Variants in BANP observed in about 807,000 individuals in gnomAD.
BANP encodes BTG3 associated nuclear protein, also known as protein BANP.
Under a neutral mutation model 68.1 loss-of-function variants are expected in BANP, and 11 were observed. That is an observed-to-expected ratio of 0.16 (90% CI 0.10 to 0.27). BANP has a LOEUF of 0.27. Among genes scored for constraint, BANP ranks in the 10% least tolerant of loss-of-function variants. BANP has a pLI of 1.00. For synonymous variants in BANP, 329 were observed against 303.2 expected (o/e 1.09, Z -0.88); for missense variants, 504 against 722.7 (o/e 0.70, Z 3.47).
At chr16:88,046,403 T>C (rs2082033332) in intron 11 of BANP, among the ~76,000 whole-genome samples, 1 of 152,232 alleles carries the variant, frequency 6.6e-6, no homozygotes. Context: ...GTTCATTCTT[T>C]CACGTGAATT....
In BANP at chr16:87,957,081, A is replaced by G. The variant is rs952270783; in HGVS notation, c.-69+5566A>G. 6.6e-6 allele frequency: 1 copy of G among 152,194 alleles called. No homozygotes were observed. Among genetic ancestry groups the G allele is most frequent in the African/African-American group, 2.4e-5 (1 of 41,434 alleles). 9.4% of individuals were successfully genotyped at this position (152,194 alleles called of 1,614,324 possible). ...TCCTGTTGGAAAGAACCACTCTGCA[A>G]TCCTTCGCGTCTACACTTCGTCAAG... On this transcript the variant is annotated intron_variant, in intron 1 of 13. Coordinates refer to ENST00000682872, the MANE Select transcript of BANP (RefSeq NM_001386991.1). The surrounding 1 kb of genome is among the most constrained non-coding windows in gnomAD (Gnocchi z 4.3).
At chr16:88,033,966 C>A (rs746670547) in intron 9 of BANP, among the ~76,000 whole-genome samples, 10 of 152,180 alleles carry the variant, frequency 6.6e-5, no homozygotes, top group Non-Finnish European at 1.5e-4. Context: ...ACCACTAGAC[C>A]TCGCCTATGT....
intron 4 of BANP, among the ~76,000 whole-genome samples, chr16:87,991,789 A>AT (rs1392424843): frequency 6.6e-6 from 1 of 152,096 alleles, no homozygotes; most frequent in Non-Finnish European, 1.5e-5. Flanking sequence ...TTTCTGTAGG[A>AT]TTTTTTTAAA....
rs529919458 is a variant in BANP at position 88,003,296 on chromosome 16, C to A, written c.363-999C>A. ...GGTCCTGTGATTTACTTGAGCATGG[C>A]GTGGTGCTGTGCTGGCACTCAATGT... On this transcript the variant is annotated intron_variant, in intron 4 of 13. Coordinates refer to ENST00000682872, the MANE Select transcript of BANP (RefSeq NM_001386991.1). The surrounding 1 kb of genome is among the most constrained non-coding windows in gnomAD (Gnocchi z 6.1). Among the ~76,000 whole-genome samples, 1 of 152,250 alleles carries A rather than the reference C, an allele frequency of 6.6e-6. No individual in the cohort carries two copies. The highest frequency in any genetic ancestry group is 2.1e-4 in the South Asian group (1 of 4,816).
chr16:87,984,632 A>G (rs966745816), intron 4 of BANP, among the ~76,000 whole-genome samples: 1 of 152,246 alleles, frequency 6.6e-6, no homozygotes, highest in Non-Finnish European at 1.5e-5. Flanking sequence ...TCACATGAAT[A>G]TATCAAACTT....
At chr16:87,973,753 C>CAAAAAAAAAAAAAAAAAAAAAAAAAAAA (rs58334556) in intron 1 of BANP, among the ~76,000 whole-genome samples, 1 of 99,496 alleles carries the variant, frequency 1.0e-5, no homozygotes, top group Non-Finnish European at 1.8e-5. Context: ...AACTCCATCA[C>CAAAAAAAAAAAAAAAAAAAAAAAAAAAA]AAAAAAAAAA....
intron 13 of BANP, 78 bp downstream of exon 13, chr16:88,072,290 CG>C (rs2090545519): frequency 7.3e-6 from 11 of 1,499,488 alleles, no homozygotes; most frequent in Non-Finnish European, 8.0e-6. Flanking sequence ...CACGTGGCCC[CG>C]GGGCTTTCTC....
At chr16:87,951,677 G>GCCCCGCTCCCCGTC (rs2056896157) in intron 1 of BANP, among the ~76,000 whole-genome samples, 162 bp downstream of exon 1, 1 of 148,142 alleles carries the variant, frequency 6.8e-6, no homozygotes, top group Non-Finnish European at 1.5e-5. Flanking sequence ...CGCCCCCCGG[G>GCCCCGCTCCCCGTC]CCCCGCTCCC....
Position 88,027,469 on chromosome 16 carries a change from A to T in BANP, c.896-14A>T. ...AACAGGCCTCACCGCTTCTCCTTGGATGTGTCCTTCCAGGTCACCTTTTCT... is the reference window on the plus strand; with the variant it reads ...AACAGGCCTCACCGCTTCTCCTTGGTTGTGTCCTTCCAGGTCACCTTTTCT... On this transcript the variant is annotated splice_polypyrimidine_tract_variant and intron_variant, in intron 7 of 13. Transcript: ENST00000682872. 6.2e-7 allele frequency: 1 copy of T among 1,612,862 alleles called. No homozygotes were observed. The highest frequency in any genetic ancestry group is 1.3e-5 in the African/African-American group (1 of 74,926).
At chr16:87,965,277 A>G (rs1268525525) in intron 1 of BANP, among the ~76,000 whole-genome samples, 1 of 152,094 alleles carries the variant, frequency 6.6e-6, no homozygotes, top group Non-Finnish European at 1.5e-5. Context: ...TGGGGGAGTA[A>G]CTGAGTGACA....
At chr16:87,972,978 C>T (rs7200929) in intron 1 of BANP, among the ~76,000 whole-genome samples, 36,491 of 151,902 alleles carry the variant, frequency 0.24, 4,890 homozygotes, top group East Asian at 0.49. Context: ...CCCTTTGCTT[C>T]CTCCATCCTA....
chr16:88,006,444 C>T (rs1461874626), intron 6 of BANP, among the ~76,000 whole-genome samples, 179 bp downstream of exon 6: 4 of 148,556 alleles, frequency 2.7e-5, no homozygotes, highest in East Asian at 4.0e-4. Flanking sequence ...GTCGGGAGTT[C>T]GAGACCAGCC....
rs1333704461 is a variant in BANP, at chr16:88,071,682, G to C, written c.1378-387G>C. On this transcript the variant is annotated intron_variant, in intron 12 of 13. Transcript: ENST00000682872. The surrounding 1 kb of genome is among the most constrained non-coding windows in gnomAD (Gnocchi z 6.5). ...GTCCTGGCTTGGATTTTAGGCCTCA[G>C]TGGCACTCTGGGAGCGCTTGTGCTC... 2.1e-6 allele frequency: 1 copy of C among 484,282 alleles called. No homozygotes were observed. The highest frequency in any genetic ancestry group is 6.0e-5 in the East Asian group (1 of 16,800). The allele number at this position is 484,282 out of a possible 1,614,324, so 30.0% of individuals were successfully genotyped here. A position where few individuals can be genotyped will look rare whatever the true frequency, so the allele number is the denominator to read the frequency against.
intron 11 of BANP, among the ~76,000 whole-genome samples, chr16:88,062,661 G>C (rs1234817574): frequency 6.6e-6 from 1 of 152,224 alleles, no homozygotes; most frequent in Non-Finnish European, 1.5e-5. Context: ...CTGGAGCCTG[G>C]AAGCCAGGAC....
At chr16:88,026,159 A>C (rs1453908121) in intron 7 of BANP, among the ~76,000 whole-genome samples, 1 of 152,200 alleles carries the variant, frequency 6.6e-6, no homozygotes, top group Non-Finnish European at 1.5e-5. Flanking sequence ...GTGGTAGAGA[A>C]CTGGGGGTCC....
At chr16:87,959,605 C>T (rs1368363628) in intron 1 of BANP, among the ~76,000 whole-genome samples, 2 of 152,244 alleles carry the variant, frequency 1.3e-5, no homozygotes, top group African/African-American at 2.4e-5. Flanking sequence ...GCTTAGCGGC[C>T]ATGGTCTTCC....
At chr16:87,965,874 G>A (rs2059928690) in intron 1 of BANP, among the ~76,000 whole-genome samples, 1 of 152,176 alleles carries the variant, frequency 6.6e-6, no homozygotes, top group Non-Finnish European at 1.5e-5. Context: ...AAGGCCTATG[G>A]AAAGCTCAGC....
chr16:87,984,829 C>T (rs1432109735), intron 4 of BANP, among the ~76,000 whole-genome samples: 1 of 152,218 alleles, frequency 6.6e-6, no homozygotes, highest in Non-Finnish European at 1.5e-5. Flanking sequence ...CAGCCGACAG[C>T]TCGTGCTGAA....
intron 3 of BANP, chr16:87,982,682 T>A (rs1296585405): frequency 6.6e-6 from 1 of 152,138 alleles, no homozygotes. Flanking sequence ...GTTGGTTTCT[T>A]TAGCTCCTGT....
Sources: allele counts gnomAD v4.1 joint callset (sites outside exome capture counted in the v4.1 genomes callset), GRCh38; gene constraint gnomAD v4.1.1; non-coding constraint Gnocchi (gnomAD v3.1); transcripts MANE v1.5; gene names NCBI Gene and HGNC (gene_info 2026-07-23, HGNC 2026-07-21).